Variants in ARB2A observed in about 807,000 individuals in gnomAD.
ARB2A encodes ARB2 cotranscriptional regulator A.
chr5:93,864,779 T>C, the ARB2A span, among the ~76,000 whole-genome samples: 1 of 152,182 alleles, frequency 6.6e-6, no homozygotes, highest in Non-Finnish European at 1.5e-5. Flanking sequence ...CAATTTCCCA[T>C]TGAAAAATAA....
the ARB2A span, among the ~76,000 whole-genome samples, chr5:93,941,144 C>T: frequency 2.0e-5 from 3 of 152,048 alleles, no homozygotes; most frequent in Non-Finnish European, 2.9e-5. Context: ...GAGCAAGTCA[C>T]GGCTTCCCCG....
chr5:93,980,884 C>T, the ARB2A span, among the ~76,000 whole-genome samples: 1 of 151,960 alleles, frequency 6.6e-6, no homozygotes, highest in Non-Finnish European at 1.5e-5. Context: ...GTTCTATTAT[C>T]AAAAGATAAT....
the ARB2A span, among the ~76,000 whole-genome samples, chr5:94,091,065 T>C: frequency 6.6e-6 from 1 of 152,214 alleles, no homozygotes; most frequent in Non-Finnish European, 1.5e-5. Flanking sequence ...CTGAAGTCTT[T>C]CTTCATTTCA....
At chr5:93,837,497 C>T in the ARB2A span, among the ~76,000 whole-genome samples, 1 of 151,822 alleles carries the variant, frequency 6.6e-6, no homozygotes, top group Non-Finnish European at 1.5e-5. Flanking sequence ...TAATACATTC[C>T]ACCATAAAAA....
chr5:93,808,029 A>T, the ARB2A span, among the ~76,000 whole-genome samples: 1 of 151,882 alleles, frequency 6.6e-6, no homozygotes, highest in East Asian at 1.9e-4. Flanking sequence ...GCAAGAAAAA[A>T]CCTTGCCCAG....
At chr5:93,861,140 G>A in the ARB2A span, 1 of 151,924 alleles carries the variant, frequency 6.6e-6, no homozygotes, top group Non-Finnish European at 1.5e-5. Context: ...TTTTGTAAAG[G>A]AATAATTTTA....
chr5:93,821,389 G>A, the ARB2A span, among the ~76,000 whole-genome samples: 1 of 151,902 alleles, frequency 6.6e-6, no homozygotes, highest in Non-Finnish European at 1.5e-5. Flanking sequence ...GAAATCCAAA[G>A]GATTTACTGT....
At chr5:93,853,818 A>C in the ARB2A span, among the ~76,000 whole-genome samples, 11 of 152,306 alleles carry the variant, frequency 7.2e-5, no homozygotes, top group East Asian at 1.7e-3. Flanking sequence ...CCACTTGATC[A>C]TGGTGGATAA....
the ARB2A span, among the ~76,000 whole-genome samples, chr5:94,058,174 G>GA: frequency 4.0e-5 from 6 of 150,892 alleles, no homozygotes; most frequent in South Asian, 8.4e-4. Context: ...AAGCCTCCAA[G>GA]AAAAAAAAGA....
chr5:93,768,516 C>T, the ARB2A span, among the ~76,000 whole-genome samples: 1 of 149,350 alleles, frequency 6.7e-6, no homozygotes, highest in Non-Finnish European at 1.5e-5. Context: ...AGTGTATATA[C>T]ATACATATAT....
the ARB2A span, among the ~76,000 whole-genome samples, chr5:94,027,183 A>G: frequency 2.0e-5 from 3 of 152,204 alleles, no homozygotes; most frequent in African/African-American, 4.8e-5. Flanking sequence ...GTCGAAGTTG[A>G]AGAATGCCAA....
the ARB2A span, among the ~76,000 whole-genome samples, chr5:93,819,135 G>C: frequency 7.5e-6 from 1 of 132,618 alleles, no homozygotes; most frequent in Non-Finnish European, 1.5e-5. Flanking sequence ...GCAGTGAGTC[G>C]AGATCGCGCC....
chr5:93,792,449 G>A, the ARB2A span, among the ~76,000 whole-genome samples: 2 of 152,036 alleles, frequency 1.3e-5, no homozygotes. Flanking sequence ...TAACTATAAA[G>A]CAGAGGAAGG....
chr5:94,084,630 G>A, the ARB2A span, among the ~76,000 whole-genome samples: 1 of 152,094 alleles, frequency 6.6e-6, no homozygotes, highest in East Asian at 1.9e-4. Flanking sequence ...GCCTTGCCAG[G>A]TTTCACAGTA....
the ARB2A span, chr5:93,784,382 C>A: frequency 1.2e-6 from 2 of 1,611,948 alleles, no homozygotes; most frequent in Admixed American, 3.3e-5. Context: ...CCAAGTCTCA[C>A]CTCTCTCATC....
the ARB2A span, among the ~76,000 whole-genome samples, chr5:93,874,923 T>C: frequency 6.6e-6 from 1 of 152,164 alleles, no homozygotes. Context: ...TGAGAAATGA[T>C]GTTATTTATT....
chr5:94,036,202 T>G, the ARB2A span, among the ~76,000 whole-genome samples: 1 of 152,174 alleles, frequency 6.6e-6, no homozygotes, highest in Non-Finnish European at 1.5e-5. Context: ...TATGTTTCAT[T>G]TTCTTTTCAG....
At chr5:94,039,409 G>A in the ARB2A span, among the ~76,000 whole-genome samples, 1 of 152,148 alleles carries the variant, frequency 6.6e-6, no homozygotes, top group Non-Finnish European at 1.5e-5. Flanking sequence ...ATGCCCATGA[G>A]AGTAACCTCT....
At chr5:93,947,785 C>A in the ARB2A span, among the ~76,000 whole-genome samples, 1 of 149,120 alleles carries the variant, frequency 6.7e-6, no homozygotes, top group Non-Finnish European at 1.5e-5. Flanking sequence ...TTTGTTCTTG[C>A]GATAGTTTAC....
Sources: gnomAD v4.1 joint callset for allele counts (sites outside exome capture counted in the v4.1 genomes callset) on GRCh38, gnomAD v4.1.1 for gene constraint, MANE v1.5 for transcripts, NCBI Gene and HGNC (gene_info 2026-07-23, HGNC 2026-07-21) for gene names.